The following PSMD8 variants were observed in gnomAD, a reference collection of about 807,000 sequenced individuals.
PSMD8 encodes proteasome 26S subunit, non-ATPase 8.
PSMD8 carries 30 observed loss-of-function variants against 40.0 expected under a neutral mutation model. The ratio of observed to expected loss-of-function variants is 0.75; its 90% CI spans 0.56 to 1.02. The LOEUF (loss-of-function observed/expected upper bound fraction) is 1.02, where lower values mean the gene tolerates loss of function less well. Among genes scored for constraint, PSMD8 ranks in the 50% least tolerant of loss-of-function variants. The pLI, the probability that PSMD8 is intolerant of heterozygous loss-of-function variation, is 0.00. For missense variants in PSMD8, 461 were observed against 463.9 expected (o/e 0.99, Z 0.06); for synonymous variants, 208 against 192.5 (o/e 1.08, Z -0.67).
Position 38,383,392 on chromosome 19 carries a change from C to G in PSMD8, c.*2C>G. 1 of 1,613,822 alleles carries G rather than the reference C, an allele frequency of 6.2e-7. No homozygotes were observed. The highest frequency in any genetic ancestry group is 8.5e-7 in the Non-Finnish European group (1 of 1,179,828). On this transcript the variant is annotated 3_prime_UTR_variant, in exon 7 of 7. Coordinates refer to ENST00000215071, the MANE Select transcript of PSMD8 (RefSeq NM_002812.5). ...CGGCAGCTGGAGATGATCGTCTGAG[C>G]CCCCCGGGCACTGGGTGGGGCAGGG...
rs1412600798 is a variant in PSMD8 at position 38,383,167 on chromosome 19, G to A, written c.916-86G>A. 1.7e-5 allele frequency: 26 copies of A among 1,544,904 alleles called. No individual in the cohort carries two copies. In the Admixed American group the frequency reaches 1.7e-4, roughly 10 times the overall value. On this transcript the variant is annotated intron_variant, in intron 6 of 6. Transcript: ENST00000215071. ...CGATTGGTGAGAAAAGAGAGCATAG[G>A]ACACGTGGGCAAGTGCTGGCCCCAT...
rs375217324 is a variant in PSMD8 at position 38,382,732 on chromosome 19, C to T, written c.915+504C>T. The T allele has an allele frequency of 9.5e-4, 182 of 192,442 alleles. 3 individuals are homozygous for T. The South Asian group carries it at 0.017, about 18-fold the overall frequency. 11.9% of individuals were successfully genotyped at this position (192,442 alleles called of 1,614,324 possible). On this transcript the variant is annotated intron_variant, in intron 6 of 6. Coordinates refer to ENST00000215071, the MANE Select transcript of PSMD8 (RefSeq NM_002812.5). ...GACCAGCCTGGTCAACATGGTGAAA[C>T]CTCATCTCTACTAAAAAATACAAAA...
chr19:38,377,519 G>A (rs1291359966), intron 3 of PSMD8, among the ~76,000 whole-genome samples: 1 of 144,776 alleles, frequency 6.9e-6, no homozygotes, highest in East Asian at 2.1e-4. Context: ...TTTTTGAGAC[G>A]GAGTTTCACT....
chr19:38,378,101 C>T (rs1970612059), intron 3 of PSMD8, among the ~76,000 whole-genome samples: 1 of 152,220 alleles, frequency 6.6e-6, no homozygotes, highest in African/African-American at 2.4e-5. Context: ...ATGGCACATG[C>T]CTGAAATCCC....
At chr19:38,383,185 G>A in intron 6 of PSMD8, 68 bp from the exon 7 acceptor site, 7 of 1,591,012 alleles carry the variant, frequency 4.4e-6, no homozygotes, top group Non-Finnish European at 6.0e-6. Flanking sequence ...GGCAAGTGCT[G>A]GCCCCATAGG....
intron 6 of PSMD8, chr19:38,382,561 G>A (rs1207587351): frequency 3.8e-6 from 2 of 528,656 alleles, no homozygotes; most frequent in Non-Finnish European, 6.7e-6. Flanking sequence ...AGCAACGCTT[G>A]GTGTTGCAGG....
intron 6 of PSMD8, 78 bp from the exon 7 acceptor site, chr19:38,383,175 G>C: frequency 6.3e-7 from 1 of 1,576,134 alleles, no homozygotes; most frequent in East Asian, 2.3e-5. Context: ...AGGACACGTG[G>C]GCAAGTGCTG....
intron 6 of PSMD8, 98 bp downstream of exon 6, chr19:38,382,326 A>AGGTTT (rs775121645): frequency 1.1e-6 from 1 of 949,556 alleles, no homozygotes; most frequent in Non-Finnish European, 1.7e-6. Context: ...AAGACTGCCC[A>AGGTTT]GGTTTAAGTT....
At chr19:38,380,842 G>C in intron 4 of PSMD8, 57 bp from the exon 5 acceptor site, 1 of 1,364,432 alleles carries the variant, frequency 7.3e-7, no homozygotes, top group African/African-American at 1.4e-5. Context: ...CACACAGGTA[G>C]GCCCCTTTGC....
chr19:38,375,070 G>GTC, intron 1 of PSMD8, 109 bp downstream of exon 1: 1 of 1,474,956 alleles, frequency 6.8e-7, no homozygotes, highest in Non-Finnish European at 9.0e-7. Flanking sequence ...GTGCCAGCGA[G>GTC]ACTGAGGCGG....
chr19:38,375,774 G>T (rs992094775), intron 1 of PSMD8, among the ~76,000 whole-genome samples: 4 of 152,112 alleles, frequency 2.6e-5, no homozygotes, highest in Middle Eastern at 3.2e-3. Flanking sequence ...GCTGAACTGT[G>T]GGGGGAGATT....
Position 38,375,695 on chromosome 19 carries a change from C to T in PSMD8, c.361-465C>T, listed in dbSNP as rs138647029. Among the ~76,000 whole-genome samples, 159 of 152,228 alleles carry T rather than the reference C, an allele frequency of 1.0e-3. 3 individuals carry two copies. In the South Asian group the frequency reaches 0.021, roughly 20 times the overall value. Reference sequence around the variant, plus strand: ...GCCCAGAGTGCTTCAGACCAAACATCTGTTGGGAGGGAGTGTAAATCCAGT... The same window carrying T: ...GCCCAGAGTGCTTCAGACCAAACATTTGTTGGGAGGGAGTGTAAATCCAGT... On this transcript the variant is annotated intron_variant, in intron 1 of 6. Transcript: ENST00000215071.
intron 3 of PSMD8, among the ~76,000 whole-genome samples, chr19:38,377,587 C>G (rs1448951025): frequency 6.6e-6 from 1 of 152,100 alleles, no homozygotes; most frequent in African/African-American, 2.4e-5. Context: ...ACCTCTGCCT[C>G]CCGGGTTCAA....
chr19:38,375,159 CAG>C, intron 1 of PSMD8, 198 bp downstream of exon 1: 1 of 925,644 alleles, frequency 1.1e-6, no homozygotes. Context: ...GAGAGAGGGA[CAG>C]GGAGCGTTGA....
chr19:38,379,488 G>GC (rs1406735421), intron 4 of PSMD8, 83 bp downstream of exon 4: 1 of 1,461,242 alleles, frequency 6.8e-7, no homozygotes, highest in Non-Finnish European at 9.4e-7. Flanking sequence ...TGAAGGAGTG[G>GC]CCAGGGTTCA....
chr19:38,374,755 C>A lies in PSMD8; in HGVS notation c.154C>A (p.Arg52Ser), dbSNP rs369326461. ...RRASVCRRRCRKSGGLLAASR... is the reference protein window; with the variant it reads ...RRASVCRRRCSKSGGLLAASR... ...GGCAAGCGTTTGTAGGCGGCGCTGC[C>A]GTAAATCAGGCGGTCTGCTTGCCGC... Residue 52 changes from arginine to serine, a missense_variant, in exon 1 of 7, where the codon CGT becomes AGT. Arg to Ser is a moderately radical substitution (Grantham distance 110, BLOSUM62 -1). Around this residue, in one of 2 missense-constraint regions of PSMD8, gnomAD observed 225 missense variants for 142.7 expected, o/e 1.58. Coordinates refer to ENST00000215071, the MANE Select transcript of PSMD8 (RefSeq NM_002812.5). 68 of 1,560,752 alleles carry A rather than the reference C, an allele frequency of 4.4e-5. No individual in the cohort carries two copies. The highest frequency in any genetic ancestry group is 3.1e-4 in the African/African-American group (23 of 73,860).
intron 3 of PSMD8, among the ~76,000 whole-genome samples, chr19:38,377,959 A>G (rs1405969670): frequency 6.6e-6 from 1 of 152,218 alleles, no homozygotes; most frequent in Non-Finnish European, 1.5e-5. Flanking sequence ...TAATATAGTT[A>G]TAGCTAACAC....
Position 38,374,970 on chromosome 19 carries a change from G to C in PSMD8, c.360+9G>C. On this transcript the variant is annotated intron_variant, in intron 1 of 6. Coordinates refer to ENST00000215071, the MANE Select transcript of PSMD8 (RefSeq NM_002812.5). ...AGCTGGGTCGACTCAAGGTAAAGTC[G>C]GCAGGCCCAGGAAACCGAGTGTTGC... 6.5e-7 allele frequency: 1 copy of C among 1,548,710 alleles called. No individual in the cohort carries two copies. Among genetic ancestry groups the C allele is most frequent in the South Asian group, 1.2e-5 (1 of 84,868 alleles).
Position 38,374,612 on chromosome 19 carries a change from A to C in PSMD8, c.11A>C (p.Lys4Thr), listed in dbSNP as rs768217523. Residue 4 changes from lysine to threonine, a missense_variant, in exon 1 of 7, where the codon AAG (lysine) becomes ACG (threonine). Lys to Thr is a moderately conservative substitution (Grantham distance 78). This residue lies in a region of PSMD8 where 225 missense variants were observed against 142.7 expected (regional missense o/e 1.58). Transcript: ENST00000215071. ...GGAGCTCCAACTGACATGTTCATTA[A>C]GGGCAGGGCTCCGAGGGCGCCACCT... MFI[K>T]GRAPRAPPRE... The C allele has an allele frequency of 6.7e-7, 1 of 1,484,062 alleles. No individual in the cohort carries two copies. The highest frequency in any genetic ancestry group is 8.9e-7 in the Non-Finnish European group (1 of 1,122,898). The allele number at this position is 1,484,062 out of a possible 1,614,324, so 91.9% of individuals were successfully genotyped here. A position where few individuals can be genotyped will look rare whatever the true frequency, so the allele number is the denominator to read the frequency against.
Sources: allele counts gnomAD v4.1 joint callset (sites outside exome capture counted in the v4.1 genomes callset), GRCh38; gene constraint gnomAD v4.1.1; regional missense constraint gnomAD v4.1.1; transcripts MANE v1.5; gene names NCBI Gene and HGNC (gene_info 2026-07-23, HGNC 2026-07-21).